WDR27: variants seen among roughly 807,000 people sequenced by gnomAD.
The protein encoded by WDR27 is WD repeat domain 27.
In WDR27, 100 loss-of-function variants were observed where a neutral mutation model predicts 114.4. The observed-to-expected ratio is 0.87, with a 90% confidence interval of 0.74 to 1.03. The LOEUF (loss-of-function observed/expected upper bound fraction) is 1.03. Ranked by LOEUF, WDR27 falls within the 50% of genes least tolerant of loss-of-function variation. The probability of loss-of-function intolerance (pLI) is 0.00; values close to 1 mark genes in which losing one functional copy is unlikely to be tolerated. For missense variants in WDR27, 1,129 were observed against 1,092.9 expected, an observed-to-expected ratio of 1.03 and a Z score of -0.47; for synonymous variants, 449 against 423.1, an observed-to-expected ratio of 1.06 and a Z score of -0.75.
intron 25 of WDR27, among the ~76,000 whole-genome samples, chr6:169,486,968 T>C (rs1789008180): frequency 6.6e-6 from 1 of 152,218 alleles, no homozygotes; most frequent in Non-Finnish European, 1.5e-5. Context: ...CATGCTTTCA[T>C]TATTCCCTAA....
intron 25 of WDR27, among the ~76,000 whole-genome samples, chr6:169,553,324 G>C (rs557960204): frequency 6.6e-6 from 1 of 152,236 alleles, no homozygotes; most frequent in South Asian, 2.1e-4. Flanking sequence ...TTCCGGTTTA[G>C]TACACAGGTC....
chr6:169,475,122 A>AT (rs1274512065), intron 25 of WDR27, among the ~76,000 whole-genome samples: 6 of 152,322 alleles, frequency 3.9e-5, no homozygotes, highest in South Asian at 2.1e-4. Context: ...ACTACATTAC[A>AT]TTTTTTTGTC....
At chr6:169,477,238 T>C (rs1225447941) in intron 25 of WDR27, among the ~76,000 whole-genome samples, 1 of 152,242 alleles carries the variant, frequency 6.6e-6, no homozygotes, top group Non-Finnish European at 1.5e-5. Context: ...CAGTTGGCTC[T>C]TCTTTTATTA....
chr6:169,479,682 T>C (rs186585793), intron 25 of WDR27, among the ~76,000 whole-genome samples: 2 of 152,242 alleles, frequency 1.3e-5, no homozygotes, highest in Non-Finnish European at 2.9e-5. Context: ...TATAACTACT[T>C]ATCAGCATTC....
Position 169,569,056 on chromosome 6 carries a change from G to A in WDR27, c.2645+3363C>T, listed in dbSNP as rs989886459. On this transcript the variant is annotated intron_variant, in intron 25 of 25. Coordinates refer to ENST00000448612, the MANE Select transcript of WDR27 (RefSeq NM_182552.5). The stretch of plus-strand genomic sequence containing the variant: ...AGCCCCTCTTCCATCAACAGAGAAC[G>A]CAGCAAACAATTCCACAAAGACAGC... Among the ~76,000 whole-genome samples, 10 of 149,974 alleles carry A rather than the reference G, an allele frequency of 6.7e-5. No homozygotes were observed. In the East Asian group the frequency reaches 9.4e-4, roughly 14 times the overall value.
chr6:169,439,852 A>ATTATATTACCAATATTATATTGGTAG, the WDR27 span, among the ~76,000 whole-genome samples: 3 of 147,122 alleles, frequency 2.0e-5, no homozygotes, highest in Admixed American at 6.7e-5. Context: ...ATAATCGTTA[A>ATTATATTACCAATATTATATTGGTAG]TTATATTACC....
intron 16 of WDR27, among the ~76,000 whole-genome samples, chr6:169,645,846 G>GA (rs1196866045): frequency 2.2e-3 from 311 of 144,542 alleles, no homozygotes; most frequent in African/African-American, 7.1e-3. Flanking sequence ...CTAGTTCACA[G>GA]GGTCACACTG....
intron 18 of WDR27, 45 bp downstream of exon 18, chr6:169,638,494 C>G: frequency 6.2e-7 from 1 of 1,601,974 alleles, no homozygotes; most frequent in Non-Finnish European, 8.5e-7. Context: ...AAGCTCTCAG[C>G]TCCTTTGGAA....
intron 2 of WDR27, among the ~76,000 whole-genome samples, chr6:169,683,997 G>T (rs1484692014): frequency 6.6e-6 from 1 of 152,166 alleles, no homozygotes; most frequent in Non-Finnish European, 1.5e-5. Context: ...CTGCTCTGGG[G>T]GCCAGAAGTC....
At chr6:169,536,436 A>T (rs1796195176) in intron 25 of WDR27, among the ~76,000 whole-genome samples, 1 of 152,172 alleles carries the variant, frequency 6.6e-6, no homozygotes, top group African/African-American at 2.4e-5. Context: ...AATTCTAACA[A>T]ATGCTGTAAT....
chr6:169,479,436 AT>A (rs1464354486), intron 25 of WDR27, among the ~76,000 whole-genome samples: 1 of 152,226 alleles, frequency 6.6e-6, no homozygotes, highest in Non-Finnish European at 1.5e-5. Flanking sequence ...AGGACATTAA[AT>A]TATGGTAAAG....
At chr6:169,593,286 C>T (rs1806119031) in intron 23 of WDR27, among the ~76,000 whole-genome samples, 1 of 152,110 alleles carries the variant, frequency 6.6e-6, no homozygotes, top group Non-Finnish European at 1.5e-5. Flanking sequence ...TCTTAGGAAA[C>T]GTTCTCTATT....
intron 25 of WDR27, among the ~76,000 whole-genome samples, chr6:169,546,032 G>A (rs1016863600): frequency 3.3e-5 from 5 of 151,716 alleles, no homozygotes; most frequent in South Asian, 4.2e-4. Flanking sequence ...GCTCAGCCTC[G>A]CCGGCCATTA....
At chr6:169,501,558 A>C (rs1791241800) in intron 25 of WDR27, among the ~76,000 whole-genome samples, 1 of 152,254 alleles carries the variant, frequency 6.6e-6, no homozygotes, top group Non-Finnish European at 1.5e-5. Flanking sequence ...GCAGGAAAAG[A>C]TGCAGTGAAC....
At chr6:169,631,644 A>G (rs1584740491) in intron 21 of WDR27, among the ~76,000 whole-genome samples, 1 of 152,178 alleles carries the variant, frequency 6.6e-6, no homozygotes, top group Admixed American at 6.5e-5. Flanking sequence ...CCAGACCGAC[A>G]TGCAGGGAGA....
intron 2 of WDR27, among the ~76,000 whole-genome samples, chr6:169,677,117 T>C (rs943134276): frequency 1.3e-5 from 2 of 151,978 alleles, no homozygotes; most frequent in Non-Finnish European, 2.9e-5. Flanking sequence ...CCAGCAGAAG[T>C]TGGAAGAGTT....
intron 21 of WDR27, among the ~76,000 whole-genome samples, chr6:169,617,307 T>C (rs1026416926): frequency 2.6e-5 from 4 of 152,194 alleles, no homozygotes; most frequent in Admixed American, 1.3e-4. Flanking sequence ...GCCTGATGTA[T>C]GTAGAGCCCA....
intron 23 of WDR27, among the ~76,000 whole-genome samples, chr6:169,588,126 G>C (rs1261491435): frequency 6.6e-6 from 1 of 152,202 alleles, no homozygotes; most frequent in Non-Finnish European, 1.5e-5. Flanking sequence ...TCATGCAGAG[G>C]CGATGAGCAT....
intron 22 of WDR27, among the ~76,000 whole-genome samples, chr6:169,611,991 C>T (rs1810648415): frequency 6.6e-6 from 1 of 152,122 alleles, no homozygotes; most frequent in Admixed American, 6.5e-5. Flanking sequence ...CAAAAATTAG[C>T]TGGGCGTGGT....
Sources: allele counts gnomAD v4.1 joint callset (sites outside exome capture counted in the v4.1 genomes callset), GRCh38; gene constraint gnomAD v4.1.1; transcripts MANE v1.5; gene names NCBI Gene and HGNC (gene_info 2026-07-23, HGNC 2026-07-21).